The following RIT2 variants were observed in gnomAD, a reference collection of about 807,000 sequenced individuals.
RIT2 encodes the protein Ras like without CAAX 2, also known as GTP-binding protein Rit2.
Under a neutral mutation model 23.7 loss-of-function variants are expected in RIT2, and 24 were observed. That is an observed-to-expected ratio of 1.01 (90% confidence interval 0.73 to 1.43). The LOEUF (loss-of-function observed/expected upper bound fraction) is 1.43, where lower values mean the gene tolerates loss of function less well. Ranked by LOEUF, RIT2 falls within the 40% of genes most tolerant of loss-of-function variation. RIT2 has a pLI of 0.00. For missense variants in RIT2, 236 were observed against 266.9 expected (o/e 0.88, Z 0.81); for synonymous variants, 107 against 91.1 (o/e 1.17, Z -0.99).
intron 3 of RIT2, among the ~76,000 whole-genome samples, chr18:42,930,707 T>A (rs1909305479): frequency 6.6e-6 from 1 of 152,026 alleles, no homozygotes; most frequent in South Asian, 2.1e-4. Context: ...ATATTAGACA[T>A]CCAAATGGAA....
chr18:42,903,300 G>C (rs931416940), intron 4 of RIT2, among the ~76,000 whole-genome samples: 1 of 151,998 alleles, frequency 6.6e-6, no homozygotes, highest in Admixed American at 6.6e-5. Context: ...AGCTACACTT[G>C]TTTCTACAGC....
chr18:42,844,298 G>T (rs1466660068), intron 4 of RIT2, among the ~76,000 whole-genome samples: 1 of 152,200 alleles, frequency 6.6e-6, no homozygotes, highest in Non-Finnish European at 1.5e-5. Context: ...TGGGGCAGCT[G>T]CCCTCCACTG....
chr18:42,934,848 G>A (rs563458271), intron 3 of RIT2, among the ~76,000 whole-genome samples: 1 of 152,234 alleles, frequency 6.6e-6, no homozygotes, highest in South Asian at 2.1e-4. Context: ...CAATTTCTCA[G>A]TCTCTTGCCC....
chr18:43,065,915 G>C (rs1303395274), intron 1 of RIT2, among the ~76,000 whole-genome samples: 1 of 152,172 alleles, frequency 6.6e-6, no homozygotes, highest in East Asian at 1.9e-4. Flanking sequence ...AACACATGGT[G>C]AGGGTCTGTT....
rs148028633 is a variant in RIT2, at chr18:42,941,280, G to A, written c.235-17517C>T. Reference sequence around the variant, plus strand: ...GTACATAGAATTGGGATAAGAACCCGTCAAGATGGTATGATTTGAGGAACA... The same window carrying A: ...GTACATAGAATTGGGATAAGAACCCATCAAGATGGTATGATTTGAGGAACA... On this transcript the variant is annotated intron_variant, in intron 3 of 4. Coordinates refer to ENST00000326695, the MANE Select transcript of RIT2 (RefSeq NM_002930.4). Among the ~76,000 whole-genome samples, 750 of 152,208 alleles carry A rather than the reference G, an allele frequency of 4.9e-3. 3 individuals are homozygous for A. The highest frequency in any genetic ancestry group is 0.017 in the African/African-American group (719 of 41,552).
chr18:43,050,253 A>C (rs550786954), intron 1 of RIT2, among the ~76,000 whole-genome samples: 1 of 151,782 alleles, frequency 6.6e-6, no homozygotes, highest in Non-Finnish European at 1.5e-5. Flanking sequence ...CTGGTCTCAA[A>C]CTCCTGGGCT....
intron 4 of RIT2, among the ~76,000 whole-genome samples, chr18:42,753,512 A>G (rs1255292373): frequency 6.6e-6 from 1 of 152,164 alleles, no homozygotes; most frequent in Non-Finnish European, 1.5e-5. Flanking sequence ...TGCTGTTAAA[A>G]TGCTTAGTGC....
intron 1 of RIT2, among the ~76,000 whole-genome samples, chr18:43,061,391 A>G (rs766799399): frequency 6.6e-6 from 1 of 152,264 alleles, no homozygotes; most frequent in Middle Eastern, 3.4e-3. Context: ...TTGTAGAAAC[A>G]TAATAAGCAA....
intron 1 of RIT2, among the ~76,000 whole-genome samples, chr18:43,111,576 T>C (rs903656125): frequency 6.6e-6 from 1 of 152,138 alleles, no homozygotes. Context: ...TATACATGTA[T>C]AAAATATATA....
intron 4 of RIT2, among the ~76,000 whole-genome samples, chr18:42,767,944 G>T (rs895388759): frequency 6.6e-6 from 1 of 152,150 alleles, no homozygotes; most frequent in African/African-American, 2.4e-5. Flanking sequence ...CCCCAGCCAT[G>T]TGGAACTGTA....
chr18:43,016,719 G>T (rs577765470), intron 2 of RIT2, among the ~76,000 whole-genome samples: 1 of 151,732 alleles, frequency 6.6e-6, no homozygotes, highest in Non-Finnish European at 1.5e-5. Context: ...TATAGAATAT[G>T]GAAAATTGAC....
At chr18:42,996,803 C>A (rs138453419) in intron 2 of RIT2, among the ~76,000 whole-genome samples, 1 of 152,114 alleles carries the variant, frequency 6.6e-6, no homozygotes, top group Non-Finnish European at 1.5e-5. Context: ...CACATGGATG[C>A]GCATGAAAGA....
At chr18:42,824,322 C>G (rs1419491058) in intron 4 of RIT2, among the ~76,000 whole-genome samples, 1 of 151,976 alleles carries the variant, frequency 6.6e-6, no homozygotes, top group Non-Finnish European at 1.5e-5. Flanking sequence ...CACAGTAAGT[C>G]AATTAGACTG....
At chr18:42,831,659 T>C (rs1906462313) in intron 4 of RIT2, among the ~76,000 whole-genome samples, 1 of 152,154 alleles carries the variant, frequency 6.6e-6, no homozygotes, top group South Asian at 2.1e-4. Context: ...GGAAGAACTG[T>C]AATGAGGCTG....
chr18:42,757,460 A>G (rs1382983739), intron 4 of RIT2, among the ~76,000 whole-genome samples: 1 of 152,150 alleles, frequency 6.6e-6, no homozygotes, highest in African/African-American at 2.4e-5. Flanking sequence ...ATCAACCTAT[A>G]TATCTTTTTG....
chr18:42,986,629 G>A (rs1298658027), intron 2 of RIT2, among the ~76,000 whole-genome samples: 1 of 151,960 alleles, frequency 6.6e-6, no homozygotes, highest in Non-Finnish European at 1.5e-5. Flanking sequence ...AGCCTCCTGA[G>A]TAGCTGGGAC....
At chr18:43,058,565 T>C (rs1312083439) in intron 1 of RIT2, among the ~76,000 whole-genome samples, 1 of 152,124 alleles carries the variant, frequency 6.6e-6, no homozygotes. Context: ...AACATCACAC[T>C]GTCATTGAAA....
intron 1 of RIT2, among the ~76,000 whole-genome samples, chr18:43,104,611 A>G (rs1278659789): frequency 6.6e-6 from 1 of 152,204 alleles, no homozygotes; most frequent in Non-Finnish European, 1.5e-5. Flanking sequence ...TCTGTTACTC[A>G]GAATTTGCCA....
At chr18:42,919,188 C>A (rs1385056583) in intron 4 of RIT2, among the ~76,000 whole-genome samples, 2 of 152,022 alleles carry the variant, frequency 1.3e-5, no homozygotes, top group South Asian at 2.1e-4. Context: ...CTTTTTTAAT[C>A]CAGTAATTCC....
Sources: gnomAD v4.1 joint callset for allele counts (sites outside exome capture counted in the v4.1 genomes callset) on GRCh38, gnomAD v4.1.1 for gene constraint, MANE v1.5 for transcripts, NCBI Gene and HGNC (gene_info 2026-07-23, HGNC 2026-07-21) for gene names.